The following GLG1 variants were observed in gnomAD, a reference collection of about 807,000 sequenced individuals.
GLG1 encodes the protein Golgi apparatus protein 1.
Under a neutral mutation model 160.5 loss-of-function variants are expected in GLG1, and 38 were observed. That is an observed-to-expected ratio of 0.24 (90% confidence interval 0.18 to 0.31). The LOEUF is 0.31. Among genes scored for constraint, GLG1 ranks in the 10% least tolerant of loss-of-function variants. The pLI is 1.00. For synonymous variants in GLG1, 644 were observed against 543.4 expected (o/e 1.19, Z -2.57); for missense variants, 1,373 against 1,505.2 (o/e 0.91, Z 1.45).
intron 7 of GLG1, among the ~76,000 whole-genome samples, chr16:74,491,543 C>T (rs1311159676): frequency 6.6e-6 from 1 of 151,988 alleles, no homozygotes; most frequent in Admixed American, 6.6e-5. Flanking sequence ...CTCCATTGGC[C>T]TACACAATTA....
chr16:74,477,977 A>AAAACAAATAAGTAAAT (rs55773213), intron 11 of GLG1, among the ~76,000 whole-genome samples: 3 of 140,148 alleles, frequency 2.1e-5, no homozygotes, highest in Non-Finnish European at 3.1e-5. Flanking sequence ...CCGTCTCAAA[A>AAAACAAATAAGTAAAT]AAATAAATAA....
chr16:74,451,295 G>A lies in GLG1; in HGVS notation c.*1872C>T, dbSNP rs557075511. 2 of 152,232 alleles carry A rather than the reference G, an allele frequency of 1.3e-5. No individual in the cohort carries two copies. Among genetic ancestry groups the A allele is most frequent in the African/African-American group, 2.4e-5 (1 of 41,454 alleles). The allele number at this position is 152,232 out of a possible 1,614,324, so 9.4% of individuals were successfully genotyped here. On this transcript the variant is annotated 3_prime_UTR_variant, in exon 26 of 26. Coordinates refer to ENST00000422840, the MANE Select transcript of GLG1 (RefSeq NM_001145667.2). ...TCAGGAAGACCCTACAAGCAGGACC[G>A]AGGGGACTAAGCAGCTTAGCAGCTT... is the stretch of plus-strand genomic sequence containing the variant.
intron 1 of GLG1, among the ~76,000 whole-genome samples, chr16:74,575,325 T>G (rs2018971507): frequency 6.6e-6 from 1 of 152,132 alleles, no homozygotes; most frequent in Non-Finnish European, 1.5e-5. Context: ...GATTTTGAGA[T>G]GCACCATTAC....
chr16:74,559,920 A>T (rs181909821), intron 1 of GLG1, among the ~76,000 whole-genome samples: 1 of 152,362 alleles, frequency 6.6e-6, no homozygotes, highest in East Asian at 1.9e-4. Context: ...TTGAGAAGAC[A>T]GCACACAGAG....
chr16:74,478,928 A>C (rs552750497), intron 11 of GLG1, among the ~76,000 whole-genome samples: 2 of 143,528 alleles, frequency 1.4e-5, no homozygotes, highest in African/African-American at 5.2e-5. Context: ...TATTTTGGCC[A>C]GGCGCAGTGG....
chr16:74,493,284 T>A, intron 6 of GLG1, 144 bp from the exon 7 acceptor site: 1 of 569,404 alleles, frequency 1.8e-6, no homozygotes, highest in Non-Finnish European at 3.1e-6. Context: ...TAAGTTTGGT[T>A]AAAATGTTCA....
In GLG1 at chr16:74,452,245, C is replaced by T; in HGVS notation, c.*922G>A. On this transcript the variant is annotated 3_prime_UTR_variant, in exon 26 of 26. Transcript: ENST00000422840. ...CACAGTCCTGCCTCCTGATGAAGCG[C>T]AGAGCTTCCAGAGTGACTGTAGCCT... is the stretch of plus-strand genomic sequence containing the variant. The T allele has an allele frequency of 6.6e-7, 1 of 1,511,074 alleles. No individual in the cohort carries two copies. The highest frequency in any genetic ancestry group is 8.9e-7 in the Non-Finnish European group (1 of 1,129,918). The allele number at this position is 1,511,074 out of a possible 1,614,324, so 93.6% of individuals were successfully genotyped here.
intron 1 of GLG1, among the ~76,000 whole-genome samples, chr16:74,586,424 G>A (rs1958054291): frequency 6.6e-6 from 1 of 152,106 alleles, no homozygotes; most frequent in Non-Finnish European, 1.5e-5. Flanking sequence ...TGACCACCTT[G>A]ACACACAATG....
intron 25 of GLG1, among the ~76,000 whole-genome samples, chr16:74,454,662 T>TC (rs1393951645): frequency 0.041 from 2,167 of 52,472 alleles, 255 homozygotes; most frequent in South Asian, 0.098. Flanking sequence ...CGAGAATCCG[T>TC]CCCCAAAAAA....
intron 11 of GLG1, 146 bp downstream of exon 11, chr16:74,480,095 A>C: frequency 1.5e-6 from 1 of 664,884 alleles, no homozygotes; most frequent in Non-Finnish European, 2.6e-6. Flanking sequence ...CACGGAAGGA[A>C]GAAGTTTCTA....
intron 1 of GLG1, among the ~76,000 whole-genome samples, chr16:74,593,329 C>A (rs1958224838): frequency 6.6e-6 from 1 of 151,816 alleles, no homozygotes. Context: ...TATCACATTA[C>A]AGAGCTGATA....
intron 1 of GLG1, among the ~76,000 whole-genome samples, chr16:74,550,198 C>G (rs1431740930): frequency 1.3e-5 from 2 of 152,096 alleles, no homozygotes; most frequent in Non-Finnish European, 2.9e-5. Flanking sequence ...ATTGATTGTG[C>G]TTTCCTTTCT....
chr16:74,472,597 T>C (rs573509630), intron 13 of GLG1, 186 bp from the exon 14 acceptor site: 4 of 1,484,804 alleles, frequency 2.7e-6, no homozygotes, highest in Admixed American at 4.0e-5. Context: ...CCGTTATACT[T>C]TGAAAGGCAA....
chr16:74,583,272 A>G (rs1161971959), intron 1 of GLG1, among the ~76,000 whole-genome samples: 4 of 152,224 alleles, frequency 2.6e-5, no homozygotes, highest in Non-Finnish European at 4.4e-5. Flanking sequence ...TTCAAGAGTT[A>G]GTTCCAAGTT....
At chr16:74,596,318 C>T (rs62051923) in intron 1 of GLG1, among the ~76,000 whole-genome samples, 13,462 of 152,134 alleles carry the variant, frequency 0.088, 959 homozygotes, top group South Asian at 0.35. Flanking sequence ...CACCTGAGGT[C>T]AGCAGTTCGA....
chr16:74,557,993 T>A (rs1392872265), intron 1 of GLG1, among the ~76,000 whole-genome samples: 1 of 152,096 alleles, frequency 6.6e-6, no homozygotes, highest in Admixed American at 6.6e-5. Flanking sequence ...AATAGAAAAA[T>A]TTTAAATGCT....
At chr16:74,474,668 G>C in intron 12 of GLG1, 36 bp from the exon 13 acceptor site, 1 of 948,976 alleles carries the variant, frequency 1.1e-6, no homozygotes, top group Non-Finnish European at 1.7e-6. Context: ...GCATTTATCA[G>C]TCACATACAT....
intron 4 of GLG1, among the ~76,000 whole-genome samples, chr16:74,501,047 G>C (rs2016385884): frequency 6.6e-6 from 1 of 152,206 alleles, no homozygotes; most frequent in Non-Finnish European, 1.5e-5. Context: ...AGAGTTTCAA[G>C]CTTCAGTGGC....
chr16:74,562,603 G>C (rs1219092984), intron 1 of GLG1, among the ~76,000 whole-genome samples: 1 of 152,196 alleles, frequency 6.6e-6, no homozygotes, highest in Non-Finnish European at 1.5e-5. Flanking sequence ...GGGATTACAG[G>C]CATGCGCCAC....
Sources: gnomAD v4.1 joint callset for allele counts (sites outside exome capture counted in the v4.1 genomes callset) on GRCh38, gnomAD v4.1.1 for gene constraint, MANE v1.5 for transcripts, NCBI Gene and HGNC (gene_info 2026-07-23, HGNC 2026-07-21) for gene names.